The following CNTNAP4 variants were observed in gnomAD, a reference collection of about 807,000 sequenced individuals.
CNTNAP4 encodes contactin-associated protein-like 4.
In CNTNAP4, 98 loss-of-function variants were observed where a neutral mutation model predicts 148.4. The observed-to-expected ratio is 0.66, with a 90% CI of 0.56 to 0.78. The LOEUF (loss-of-function observed/expected upper bound fraction) is 0.78, where lower values mean the gene tolerates loss of function less well. CNTNAP4 is among the 30% of genes least tolerant of loss of function. The pLI, the probability that CNTNAP4 is intolerant of heterozygous loss-of-function variation, is 0.00. For missense variants in CNTNAP4, 1,935 were observed against 1,565.6 expected, an observed-to-expected ratio of 1.24 and a Z score of -3.98; for synonymous variants, 730 against 565.1, an observed-to-expected ratio of 1.29 and a Z score of -4.14.
chr16:76,359,365 C>G (rs567039327), intron 3 of CNTNAP4, among the ~76,000 whole-genome samples: 2 of 152,140 alleles, frequency 1.3e-5, no homozygotes, highest in African/African-American at 4.8e-5. Context: ...ACAAGTGTTA[C>G]TGGTTTAGGA....
At chr16:76,351,716 T>G (rs950407556) in intron 2 of CNTNAP4, among the ~76,000 whole-genome samples, 1 of 152,200 alleles carries the variant, frequency 6.6e-6, no homozygotes, top group African/African-American at 2.4e-5. Context: ...CAAGGTCAAT[T>G]AACTGTGAAT....
intron 3 of CNTNAP4, among the ~76,000 whole-genome samples, chr16:76,362,564 A>G (rs1413546807): frequency 1.3e-5 from 2 of 152,254 alleles, no homozygotes; most frequent in African/African-American, 4.8e-5. Flanking sequence ...ACAGACATAT[A>G]GACCAATAAA....
At chr16:76,502,083 AAT>A in intron 15 of CNTNAP4, among the ~76,000 whole-genome samples, 1 of 150,414 alleles carries the variant, frequency 6.6e-6, no homozygotes, top group Non-Finnish European at 1.5e-5. Context: ...AAAAAAAAAG[AAT>A]TTACAAATAG....
intron 1 of CNTNAP4, among the ~76,000 whole-genome samples, chr16:76,281,390 C>A (rs1442446771): frequency 6.6e-6 from 1 of 152,076 alleles, no homozygotes; most frequent in Non-Finnish European, 1.5e-5. Context: ...GATTTATTTT[C>A]ATCTATTCAG....
At chr16:76,470,652 A>G (rs1476195785) in intron 10 of CNTNAP4, among the ~76,000 whole-genome samples, 1 of 151,452 alleles carries the variant, frequency 6.6e-6, no homozygotes, top group African/African-American at 2.4e-5. Flanking sequence ...CGCCGTCTCG[A>G]AAAACAAAAA....
At chr16:76,331,089 T>C (rs1487356167) in intron 2 of CNTNAP4, among the ~76,000 whole-genome samples, 1 of 152,110 alleles carries the variant, frequency 6.6e-6, no homozygotes, top group Non-Finnish European at 1.5e-5. Context: ...ACTATATTCA[T>C]CAGGTTCCAA....
chr16:76,448,353 G>T (rs1029025629), intron 5 of CNTNAP4, 138 bp downstream of exon 5: 10 of 624,126 alleles, frequency 1.6e-5, no homozygotes, highest in Non-Finnish European at 2.7e-5. Flanking sequence ...TGTCAATATT[G>T]CTCTTTCATG....
chr16:76,385,847 A>G (rs1175331789), intron 3 of CNTNAP4, among the ~76,000 whole-genome samples: 12 of 152,118 alleles, frequency 7.9e-5, no homozygotes, highest in Admixed American at 5.9e-4. Context: ...TCCCTAACAC[A>G]TATTTTCTCC....
At chr16:76,301,891 C>T (rs759307668) in intron 1 of CNTNAP4, among the ~76,000 whole-genome samples, 22 of 152,042 alleles carry the variant, frequency 1.4e-4, no homozygotes, top group African/African-American at 5.1e-4. Context: ...GAGTTCATGG[C>T]ATTTCGTAGG....
intron 18 of CNTNAP4, 29 bp from the exon 19 acceptor site, chr16:76,538,087 A>G (rs2084288284): frequency 2.9e-6 from 3 of 1,029,202 alleles, no homozygotes; most frequent in South Asian, 6.1e-5. Context: ...TAAAATTTTT[A>G]ACAAAAATAT....
intron 2 of CNTNAP4, among the ~76,000 whole-genome samples, chr16:76,317,252 C>CAAAAAAAAAAAAAAAAAAAAAAAAAA: frequency 1.2e-5 from 1 of 86,282 alleles, no homozygotes; most frequent in African/African-American, 4.1e-5. Flanking sequence ...GACCCTGTCT[C>CAAAAAAAAAAAAAAAAAAAAAAAAAA]AAAAAAAAAA....
Position 76,493,582 on chromosome 16 carries a change from G to C in CNTNAP4, c.2081-1328G>C, listed in dbSNP as rs541911160. On this transcript the variant is annotated intron_variant, in intron 13 of 23. Transcript: ENST00000611870. ...AGGGAAGACATGAAATTTAGATGTGGGAATATGGCTCAGTATTTAAGAATA... is the reference window on the plus strand; with the variant it reads ...AGGGAAGACATGAAATTTAGATGTGCGAATATGGCTCAGTATTTAAGAATA... Among the ~76,000 whole-genome samples, 314 of 151,896 alleles carry C rather than the reference G, an allele frequency of 2.1e-3. 2 individuals carry two copies. The highest frequency in any genetic ancestry group is 6.7e-3 in the African/African-American group (279 of 41,412).
chr16:76,555,694 A>G (rs893154002), intron 23 of CNTNAP4, among the ~76,000 whole-genome samples: 1 of 152,236 alleles, frequency 6.6e-6, no homozygotes, highest in Non-Finnish European at 1.5e-5. Flanking sequence ...AGAGTTAAAC[A>G]AGAAGTGCAT....
chr16:76,440,288 A>C (rs1440217160), intron 4 of CNTNAP4, among the ~76,000 whole-genome samples: 1 of 152,148 alleles, frequency 6.6e-6, no homozygotes, highest in Non-Finnish European at 1.5e-5. Flanking sequence ...TGACCTTCAA[A>C]TACAGTTAAT....
chr16:76,407,143 G>T (rs533164463), intron 3 of CNTNAP4, among the ~76,000 whole-genome samples: 3 of 152,064 alleles, frequency 2.0e-5, no homozygotes, highest in Admixed American at 6.6e-5. Context: ...CCTAGGACAC[G>T]TAAGAATTAT....
intron 11 of CNTNAP4, among the ~76,000 whole-genome samples, chr16:76,476,627 G>A (rs2081592909): frequency 6.6e-6 from 1 of 152,272 alleles, no homozygotes; most frequent in South Asian, 2.1e-4. Flanking sequence ...CAGCAGATTA[G>A]GTGAGGGTGT....
intron 17 of CNTNAP4, among the ~76,000 whole-genome samples, chr16:76,528,325 G>C (rs2083830154): frequency 6.6e-6 from 1 of 152,136 alleles, no homozygotes; most frequent in Non-Finnish European, 1.5e-5. Flanking sequence ...CAGTGGTGTG[G>C]TGCAATCTTG....
chr16:76,285,615 G>T (rs1199327049), intron 1 of CNTNAP4, among the ~76,000 whole-genome samples: 1 of 151,956 alleles, frequency 6.6e-6, no homozygotes, highest in Non-Finnish European at 1.5e-5. Flanking sequence ...ACTTATAAAT[G>T]GGGTCATAGG....
intron 8 of CNTNAP4, among the ~76,000 whole-genome samples, chr16:76,460,830 C>G (rs1237639955): frequency 7.5e-6 from 1 of 132,832 alleles, no homozygotes; most frequent in Non-Finnish European, 1.6e-5. Context: ...AGAGTTTATT[C>G]ACATTGTTTA....
Sources: allele counts gnomAD v4.1 joint callset (sites outside exome capture counted in the v4.1 genomes callset), GRCh38; gene constraint gnomAD v4.1.1; transcripts MANE v1.5; gene names NCBI Gene and HGNC (gene_info 2026-07-23, HGNC 2026-07-21).